The following TVP23C variants were observed in gnomAD, a reference collection of about 807,000 sequenced individuals.
The protein encoded by TVP23C is trans-golgi network vesicle protein 23 homolog C.
TVP23C carries 19 observed loss-of-function variants against 28.7 expected under a neutral mutation model. The observed-to-expected ratio is 0.66, with a 90% CI of 0.46 to 0.97. The LOEUF is 0.97. Among genes scored for constraint, TVP23C ranks in the 50% least tolerant of loss-of-function variants. The probability of loss-of-function intolerance (pLI) is 0.00; values close to 1 mark genes in which losing one functional copy is unlikely to be tolerated. For synonymous variants in TVP23C, 68 were observed against 81.7 expected (o/e 0.83, Z 0.90); for missense variants, 186 against 241.3 (o/e 0.77, Z 1.52).
At chr17:15,507,084 T>C in intron 5 of TVP23C, 4 of 1,122,514 alleles carry the variant, frequency 3.6e-6, no homozygotes, top group Non-Finnish European at 5.3e-6. Flanking sequence ...ATAATGGCAC[T>C]GGTGCCTCTA....
intron 3 of TVP23C, among the ~76,000 whole-genome samples, chr17:15,547,977 T>A (rs1377237824): frequency 1.3e-5 from 2 of 152,036 alleles, no homozygotes; most frequent in African/African-American, 2.4e-5. Context: ...TAAAAAAAAA[T>A]GTTACCTTCA....
chr17:15,538,251 T>C lies in TVP23C; in HGVS notation c.*2161A>G. 2 of 1,591,572 alleles carry C rather than the reference T, an allele frequency of 1.3e-6. No individual in the cohort carries two copies. Among genetic ancestry groups the C allele is most frequent in the South Asian group, 2.3e-5 (2 of 87,992 alleles). On this transcript the variant is annotated 3_prime_UTR_variant, in exon 6 of 6. Coordinates refer to ENST00000518321, the MANE Select transcript of TVP23C (RefSeq NM_001135036.2). ...GGCCTAGGAAAACATTCTATATTTC[T>C]AAGCAGAGCATTACCTTACATACAA...
rs1007076652 is a variant in TVP23C, at chr17:15,537,568, T to C, written c.*2844A>G. 2.0e-6 allele frequency: 2 copies of C among 984,120 alleles called. No homozygotes were observed. The highest frequency in any genetic ancestry group is 3.5e-5 in the African/African-American group (2 of 57,230). 61.0% of individuals were successfully genotyped at this position (984,120 alleles called of 1,614,324 possible). ...AATTTTATAAAGTAGTTAATACCAC[T>C]GGCCCTAATTGTTTTCACTTGCTTG... On this transcript the variant is annotated 3_prime_UTR_variant, in exon 6 of 6. Transcript: ENST00000518321.
intron 5 of TVP23C, among the ~76,000 whole-genome samples, chr17:15,522,631 C>T (rs1270727815): frequency 1.3e-5 from 2 of 152,052 alleles, no homozygotes; most frequent in East Asian, 3.9e-4. Context: ...CATTTTATAA[C>T]TTTAAAAGAA....
At chr17:15,554,299 G>C (rs7209359) in intron 2 of TVP23C, among the ~76,000 whole-genome samples, 2 of 147,612 alleles carry the variant, frequency 1.4e-5, no homozygotes, top group Admixed American at 6.8e-5. Context: ...GTTTGGTGGC[G>C]CAATCTCGGC....
chr17:15,543,206 A>C (rs531322029), intron 5 of TVP23C, among the ~76,000 whole-genome samples: 1 of 143,012 alleles, frequency 7.0e-6, no homozygotes, highest in Non-Finnish European at 1.6e-5. Flanking sequence ...CCTTCAGGCT[A>C]CCAAACCCAG....
In TVP23C at chr17:15,560,518, G is replaced by A. The variant is rs1036701531; in HGVS notation, c.12+2919C>T. ...ATGATACAAGTCTTTAAAGGAAAAAGAATGGAGTGACCAGTGAAAGAGCAT... is the reference window on the plus strand; with the variant it reads ...ATGATACAAGTCTTTAAAGGAAAAAAAATGGAGTGACCAGTGAAAGAGCAT... On this transcript the variant is annotated intron_variant, in intron 1 of 5. Transcript: ENST00000518321. Among the ~76,000 whole-genome samples the A allele has an allele frequency of 9.4e-5, 14 of 149,562 alleles. 2 individuals carry two copies. The highest frequency in any genetic ancestry group is 3.4e-4 in the African/African-American group (14 of 41,236).
rs143836063 is a variant in TVP23C, at chr17:15,560,432, G to C, written c.12+3005C>G. Among the ~76,000 whole-genome samples the C allele has an allele frequency of 7.9e-3, 1,187 of 149,532 alleles. 97 individuals carry two copies. The highest frequency in any genetic ancestry group is 0.011 in the Non-Finnish European group (724 of 66,790). On this transcript the variant is annotated intron_variant, in intron 1 of 5. Transcript: ENST00000518321. ...GCAGTTCCAGTACAGTTGGGAGAGGGGAAGAGAGACTGACTAGAATGAATA... is the reference window on the plus strand; with the variant it reads ...GCAGTTCCAGTACAGTTGGGAGAGGCGAAGAGAGACTGACTAGAATGAATA...
intron 5 of TVP23C, among the ~76,000 whole-genome samples, chr17:15,542,666 AG>A (rs1405031436): frequency 6.6e-6 from 1 of 151,924 alleles, no homozygotes; most frequent in Non-Finnish European, 1.5e-5. Context: ...TAGTAGAGAC[AG>A]GGTTTCACCG....
At position 15,537,990 on chromosome 17, in the gene TVP23C, C is replaced by G; in HGVS notation, c.*2422G>C. On this transcript the variant is annotated 3_prime_UTR_variant, in exon 6 of 6. Coordinates refer to ENST00000518321, the MANE Select transcript of TVP23C (RefSeq NM_001135036.2). Reference sequence around the variant, plus strand: ...AAACTTAATATGAAAACTACTTTTCCTTTTTATAAATAAAGTTTTTAAGTG... The same window carrying G: ...AAACTTAATATGAAAACTACTTTTCGTTTTTATAAATAAAGTTTTTAAGTG... 1 of 1,481,346 alleles carries G rather than the reference C, an allele frequency of 6.8e-7. No individual in the cohort carries two copies. The allele number at this position is 1,481,346 out of a possible 1,614,324, so 91.8% of individuals were successfully genotyped here.
rs938131738 is a variant in TVP23C, at chr17:15,537,302, T to C, written c.*3110A>G. On this transcript the variant is annotated 3_prime_UTR_variant, in exon 6 of 6. Coordinates refer to ENST00000518321, the MANE Select transcript of TVP23C (RefSeq NM_001135036.2). ...AAAAAAATAGATTCAGAAAATAAAA[T>C]GTCTTTTAGGCATTTATTATGCCAA... 3 of 758,258 alleles carry C rather than the reference T, an allele frequency of 4.0e-6. No homozygotes were observed. In the African/African-American group the frequency reaches 5.8e-5, roughly 15 times the overall value. The allele number at this position is 758,258 out of a possible 1,614,324, so 47.0% of individuals were successfully genotyped here.
chr17:15,558,154 C>T (rs921007290), intron 1 of TVP23C, among the ~76,000 whole-genome samples: 2 of 148,974 alleles, frequency 1.3e-5, no homozygotes, highest in African/African-American at 2.4e-5. Context: ...TGAGATCCAC[C>T]GTATGATGTT....
At chr17:15,521,857 A>T (rs1709699083) in intron 5 of TVP23C, among the ~76,000 whole-genome samples, 1 of 152,232 alleles carries the variant, frequency 6.6e-6, no homozygotes, top group Non-Finnish European at 1.5e-5. Flanking sequence ...GGTCTACTCC[A>T]CATGTCTCTC....
intron 5 of TVP23C, among the ~76,000 whole-genome samples, chr17:15,507,564 C>A (rs921458874): frequency 1.3e-5 from 2 of 152,164 alleles, no homozygotes; most frequent in Non-Finnish European, 2.9e-5. Context: ...ATAGGCCGGG[C>A]GCGGTGGCTC....
chr17:15,514,882 T>A (rs1982154911), intron 5 of TVP23C, among the ~76,000 whole-genome samples: 2 of 152,130 alleles, frequency 1.3e-5, no homozygotes, highest in South Asian at 4.1e-4. Flanking sequence ...CTCTGGAGGA[T>A]GAGACAACAG....
At chr17:15,542,728 GC>G (rs1234056036) in intron 5 of TVP23C, among the ~76,000 whole-genome samples, 152 of 152,164 alleles carry the variant, frequency 1.0e-3, no homozygotes, top group South Asian at 2.1e-3. Flanking sequence ...GCCCGCCTTG[GC>G]CCTCCCAAAG....
chr17:15,533,142 CACAA>C (rs538935139), downstream of TVP23C, among the ~76,000 whole-genome samples: 135 of 152,304 alleles, frequency 8.9e-4, no homozygotes, highest in Middle Eastern at 6.8e-3. Context: ...TATTCTAAAA[CACAA>C]ACAATATAAC....
At chr17:15,525,585 C>T (rs1313204208) in intron 5 of TVP23C, among the ~76,000 whole-genome samples, 1 of 152,230 alleles carries the variant, frequency 6.6e-6, no homozygotes, top group African/African-American at 2.4e-5. Context: ...AGAGTTCCAG[C>T]CTGCTGGCCT....
At chr17:15,517,054 C>A (rs1292193392) in intron 5 of TVP23C, among the ~76,000 whole-genome samples, 1 of 152,238 alleles carries the variant, frequency 6.6e-6, no homozygotes, top group Non-Finnish European at 1.5e-5. Flanking sequence ...CCAAAAGAGG[C>A]TGCTTTATAA....
Sources: gnomAD v4.1 joint callset for allele counts (sites outside exome capture counted in the v4.1 genomes callset) on GRCh38, gnomAD v4.1.1 for gene constraint, MANE v1.5 for transcripts, NCBI Gene and HGNC (gene_info 2026-07-23, HGNC 2026-07-21) for gene names.